The following BTBD10 variants were observed in gnomAD, a reference collection of about 807,000 sequenced individuals.
BTBD10 encodes BTB/POZ domain-containing protein 10.
Under a neutral mutation model 53.2 loss-of-function variants are expected in BTBD10, and 21 were observed. That is an observed-to-expected ratio of 0.39 (90% confidence interval 0.28 to 0.57). The LOEUF is 0.57. Among genes scored for constraint, BTBD10 ranks in the 20% least tolerant of loss-of-function variants. The probability of loss-of-function intolerance (pLI) is 0.53; values close to 1 mark genes in which losing one functional copy is unlikely to be tolerated. For missense variants in BTBD10, 360 were observed against 594.7 expected (o/e 0.61, Z 4.10); for synonymous variants, 149 against 192.7 (o/e 0.77, Z 1.88).
intron 8 of BTBD10, among the ~76,000 whole-genome samples, chr11:13,392,791 C>A (rs1949442883): frequency 6.6e-6 from 1 of 152,140 alleles, no homozygotes; most frequent in Non-Finnish European, 1.5e-5. Context: ...TTCCTATATT[C>A]TATGGGAACT....
chr11:13,421,854 G>A lies in BTBD10; in HGVS notation c.102-16C>T. 1.9e-6 allele frequency: 3 copies of A among 1,573,616 alleles called. No homozygotes were observed. Among genetic ancestry groups the A allele is most frequent in the Non-Finnish European group, 2.6e-6 (3 of 1,156,024 alleles). On this transcript the variant is annotated splice_polypyrimidine_tract_variant and intron_variant, in intron 2 of 8. Coordinates refer to ENST00000278174, the MANE Select transcript of BTBD10 (RefSeq NM_032320.7). ...CGAGGAAGTACTGATAAGTTAGAAA[G>A]GAAAATTAACCATAAAAGCAGAACA...
rs1387317842 is a variant in BTBD10 at position 13,388,377 on chromosome 11, A to C, written c.*454T>G. On this transcript the variant is annotated 3_prime_UTR_variant, in exon 9 of 9. Coordinates refer to ENST00000278174, the MANE Select transcript of BTBD10 (RefSeq NM_032320.7). ...TGTACTGGAGGAATACTTTGACAGA[A>C]GCACTTAAATTATATTGTGCATCAC... 6.4e-6 allele frequency: 1 copy of C among 156,522 alleles called. No individual in the cohort carries two copies. The highest frequency in any genetic ancestry group is 1.4e-5 in the Non-Finnish European group (1 of 70,238). 9.7% of individuals were successfully genotyped at this position (156,522 alleles called of 1,614,324 possible).
chr11:13,429,767 C>T (rs1201101594), intron 2 of BTBD10, among the ~76,000 whole-genome samples: 1 of 152,080 alleles, frequency 6.6e-6, no homozygotes, highest in African/African-American at 2.4e-5. Flanking sequence ...AACTGAACTT[C>T]ATCAAAATTA....
At chr11:13,454,159 T>G (rs987629439) in intron 1 of BTBD10, among the ~76,000 whole-genome samples, 1 of 152,244 alleles carries the variant, frequency 6.6e-6, no homozygotes, top group African/African-American at 2.4e-5. Flanking sequence ...AAGCAGTCTT[T>G]AACTTTTAGT....
At chr11:13,406,861 C>T (rs1235494819) in intron 6 of BTBD10, among the ~76,000 whole-genome samples, 2 of 151,738 alleles carry the variant, frequency 1.3e-5, no homozygotes, top group East Asian at 3.9e-4. Context: ...CCATGTCTCT[C>T]TCCAGGCTGG....
At chr11:13,462,839 GC>G in intron 1 of BTBD10, 1 of 152,354 alleles carries the variant, frequency 6.6e-6, no homozygotes, top group Non-Finnish European at 1.5e-5. Flanking sequence ...CCGGAGAAAG[GC>G]CCCCGGACTC....
intron 3 of BTBD10, among the ~76,000 whole-genome samples, chr11:13,421,066 A>G (rs759723740): frequency 3.3e-5 from 5 of 151,162 alleles, no homozygotes; most frequent in Non-Finnish European, 7.4e-5. Context: ...CAGCAAGCTC[A>G]CATGCTAAGG....
At chr11:13,455,507 T>C (rs1424592387) in intron 1 of BTBD10, among the ~76,000 whole-genome samples, 1 of 152,244 alleles carries the variant, frequency 6.6e-6, no homozygotes, top group African/African-American at 2.4e-5. Flanking sequence ...ATTACATGAT[T>C]AGCATTGTTA....
At chr11:13,461,916 T>G (rs1286600573) in intron 1 of BTBD10, among the ~76,000 whole-genome samples, 1 of 150,756 alleles carries the variant, frequency 6.6e-6, no homozygotes, top group Non-Finnish European at 1.5e-5. Flanking sequence ...TCATCAGAAA[T>G]AATTCTTCTC....
chr11:13,393,099 T>A (rs1450978949), intron 8 of BTBD10, among the ~76,000 whole-genome samples: 1 of 152,156 alleles, frequency 6.6e-6, no homozygotes, highest in Non-Finnish European at 1.5e-5. Context: ...GGAGAATGAT[T>A]TAGGTAAGAA....
At chr11:13,436,791 T>C (rs760364032) in intron 2 of BTBD10, among the ~76,000 whole-genome samples, 2 of 72,030 alleles carry the variant, frequency 2.8e-5, no homozygotes, top group African/African-American at 5.5e-5. Flanking sequence ...GATTTCTCTG[T>C]TTTTTTTTGA....
intron 2 of BTBD10, among the ~76,000 whole-genome samples, chr11:13,438,542 T>G (rs1950586187): frequency 6.6e-6 from 1 of 151,232 alleles, no homozygotes; most frequent in Admixed American, 6.6e-5. Flanking sequence ...AGAAGATCAC[T>G]TCATGACTAA....
At chr11:13,435,742 C>T (rs536087106) in intron 2 of BTBD10, among the ~76,000 whole-genome samples, 3 of 152,248 alleles carry the variant, frequency 2.0e-5, no homozygotes, top group Admixed American at 6.5e-5. Flanking sequence ...CTGCCTGCCT[C>T]GGCCTCCCAA....
chr11:13,397,467 T>C (rs995676572), intron 8 of BTBD10, among the ~76,000 whole-genome samples: 1 of 152,208 alleles, frequency 6.6e-6, no homozygotes, highest in African/African-American at 2.4e-5. Flanking sequence ...AGTCTATCAA[T>C]TTTGTTGATC....
At chr11:13,410,278 G>T (rs1949911866) in intron 6 of BTBD10, among the ~76,000 whole-genome samples, 1 of 152,194 alleles carries the variant, frequency 6.6e-6, no homozygotes, top group Non-Finnish European at 1.5e-5. Flanking sequence ...CAGATTCTGT[G>T]AGAGAGAAAG....
chr11:13,418,691 A>G (rs986135156), intron 4 of BTBD10, among the ~76,000 whole-genome samples: 12 of 152,184 alleles, frequency 7.9e-5, no homozygotes, highest in Admixed American at 7.2e-4. Context: ...ACATACACAC[A>G]TTACATATGC....
At position 13,403,248 on chromosome 11, in the gene BTBD10, A is replaced by C; in HGVS notation, c.1037T>G (p.Phe346Cys). ...CACATCTCTGTTTTCAATATACTTG[A>C]AAAATCTATATAATTTTGTGCTATA... ...IIYSTKLYRF[F>C]KYIENRDVAK... Residue 346 changes from phenylalanine to cysteine, a missense_variant, in exon 8 of 9, where the codon TTC becomes TGC. Around this residue, in one of 6 missense-constraint regions of BTBD10, gnomAD observed 52 missense variants for 180.4 expected, o/e 0.29. Transcript: ENST00000278174. 2 of 1,535,240 alleles carry C rather than the reference A, an allele frequency of 1.3e-6. No homozygotes were observed. Among genetic ancestry groups the C allele is most frequent in the Non-Finnish European group, 1.7e-6 (2 of 1,143,088 alleles).
At chr11:13,435,459 A>C (rs1431764415) in intron 2 of BTBD10, among the ~76,000 whole-genome samples, 3 of 152,212 alleles carry the variant, frequency 2.0e-5, no homozygotes, top group Non-Finnish European at 4.4e-5. Context: ...AGTTTTTAAA[A>C]TATTTATCAA....
At chr11:13,451,754 T>C (rs1332012027) in intron 1 of BTBD10, among the ~76,000 whole-genome samples, 1 of 152,098 alleles carries the variant, frequency 6.6e-6, no homozygotes, top group Non-Finnish European at 1.5e-5. Flanking sequence ...AAACAGAAAC[T>C]GACTCCAAGT....
Sources: gnomAD v4.1 joint callset for allele counts (sites outside exome capture counted in the v4.1 genomes callset) on GRCh38, gnomAD v4.1.1 for gene constraint, gnomAD v4.1.1 regional missense constraint, MANE v1.5 for transcripts, NCBI Gene and HGNC (gene_info 2026-07-23, HGNC 2026-07-21) for gene names.